Variants in PPARGC1B observed in about 807,000 individuals in gnomAD.
PPARGC1B encodes the protein PPARG coactivator 1 beta, also known as peroxisome proliferator-activated receptor gamma coactivator 1-beta.
A neutral mutation model predicts 101.6 loss-of-function variants in PPARGC1B; 34 were observed. That is an observed-to-expected ratio of 0.33 (90% CI 0.25 to 0.45). The LOEUF is 0.45. Among genes scored for constraint, PPARGC1B ranks in the 20% least tolerant of loss-of-function variants. PPARGC1B has a pLI of 1.00. For synonymous variants in PPARGC1B, 548 were observed against 539.3 expected (o/e 1.02, Z -0.22); for missense variants, 1,234 against 1,317.6 (o/e 0.94, Z 0.98).
At position 149,836,867 on chromosome 5, in the gene PPARGC1B, C is replaced by T. The variant is rs1158480787; in HGVS notation, c.2412C>T (p.Phe804=). 4 of 1,612,900 alleles carry T rather than the reference C, an allele frequency of 2.5e-6. No homozygotes were observed. Among genetic ancestry groups the T allele is most frequent in the African/African-American group, 2.7e-5 (2 of 74,926 alleles). Residue 804 remains phenylalanine (F), a synonymous_variant, in exon 8 of 12, where the codon TTC becomes TTT. Transcript: ENST00000309241. ...DSSSSSGESS[F]LPEEEEEEGE... ...GCAGCAGCAGCGGCGAGAGCAGCTT[C>T]CTCCCAGAGGAGGAAGAGGAAGAAG...
chr5:149,759,735 T>A (rs1755655167), intron 1 of PPARGC1B, among the ~76,000 whole-genome samples: 1 of 152,206 alleles, frequency 6.6e-6, no homozygotes, highest in Admixed American at 6.5e-5. Context: ...CCAGGCATGC[T>A]GCCAGCAGCA....
intron 10 of PPARGC1B, among the ~76,000 whole-genome samples, chr5:149,844,499 C>T (rs1356515389): frequency 1.3e-5 from 2 of 152,100 alleles, no homozygotes; most frequent in African/African-American, 4.8e-5. Flanking sequence ...ATTACCCGGG[C>T]GTGGTGGCAC....
intron 2 of PPARGC1B, among the ~76,000 whole-genome samples, chr5:149,824,679 G>A (rs978583596): frequency 3.9e-5 from 6 of 152,172 alleles, no homozygotes; most frequent in Non-Finnish European, 7.3e-5. Context: ...GGGCTGGACA[G>A]GGTTGGGAGT....
In PPARGC1B at chr5:149,835,300, G is replaced by C; in HGVS notation, c.1743-1G>C. The C allele has an allele frequency of 1.2e-6, 2 of 1,614,152 alleles. No individual in the cohort carries two copies. Among genetic ancestry groups the C allele is most frequent in the Non-Finnish European group, 1.7e-6 (2 of 1,180,002 alleles). ...CTTTCTGTCCTCCCTGCCTCCACCA[G>C]CGACCCAACTTTTGGCAAGAAGAGC... On this transcript the variant is annotated splice_acceptor_variant, in intron 6 of 11. Coordinates refer to ENST00000309241, the MANE Select transcript of PPARGC1B (RefSeq NM_133263.4). LOFTEE classifies it high-confidence loss of function.
chr5:149,806,501 G>T (rs565171912), intron 1 of PPARGC1B, among the ~76,000 whole-genome samples: 3 of 152,296 alleles, frequency 2.0e-5, no homozygotes, highest in South Asian at 2.1e-4. Context: ...CTGCCAGCCA[G>T]GGCAGGAGAT....
At chr5:149,811,476 G>A (rs1393654669) in intron 1 of PPARGC1B, among the ~76,000 whole-genome samples, 1 of 152,196 alleles carries the variant, frequency 6.6e-6, no homozygotes, top group Non-Finnish European at 1.5e-5. Flanking sequence ...ACCAGTTAGT[G>A]AAATTTTGTA....
intron 1 of PPARGC1B, among the ~76,000 whole-genome samples, chr5:149,777,311 A>G (rs1756401898): frequency 6.6e-6 from 1 of 152,228 alleles, no homozygotes; most frequent in South Asian, 2.1e-4. Context: ...GAAACTTTAG[A>G]GGGAAGTCCA....
At chr5:149,738,466 G>A (rs994622378) in intron 1 of PPARGC1B, among the ~76,000 whole-genome samples, 3 of 152,244 alleles carry the variant, frequency 2.0e-5, no homozygotes, top group Non-Finnish European at 4.4e-5. Context: ...CAGTCTGAGT[G>A]TTCCTGAGAA....
chr5:149,761,742 C>T (rs1399755590), intron 1 of PPARGC1B: 4 of 151,920 alleles, frequency 2.6e-5, no homozygotes, highest in Non-Finnish European at 4.4e-5. Context: ...ACAAATGCTG[C>T]GTGATGTTAC....
chr5:149,745,896 A>G (rs183692050), intron 1 of PPARGC1B, among the ~76,000 whole-genome samples: 14 of 152,230 alleles, frequency 9.2e-5, no homozygotes, highest in Non-Finnish European at 1.9e-4. Context: ...TTATGAGTGA[A>G]TGGGTTGGAA....
rs371625320 is a variant in PPARGC1B at position 149,820,410 on chromosome 5, C to G, written c.79-23C>G. Reference sequence around the variant, plus strand: ...CTAGCCAGCCTCAGCTCTGATCCACCTCTTTCCTTCCTGTCTCCTCAGGGT... The same window carrying G: ...CTAGCCAGCCTCAGCTCTGATCCACGTCTTTCCTTCCTGTCTCCTCAGGGT... On this transcript the variant is annotated intron_variant, in intron 1 of 11. Transcript: ENST00000309241. The G allele has an allele frequency of 9.9e-5, 159 of 1,609,900 alleles. 1 individual carries two copies. Among genetic ancestry groups the G allele is most frequent in the Non-Finnish European group, 1.3e-4 (149 of 1,177,486 alleles).
intron 1 of PPARGC1B, among the ~76,000 whole-genome samples, chr5:149,753,124 G>T (rs1026116683): frequency 6.6e-6 from 1 of 152,104 alleles, no homozygotes; most frequent in African/African-American, 2.4e-5. Context: ...AGATCATTTC[G>T]TATCAATATG....
Position 149,771,190 on chromosome 5 carries a change from C to T in PPARGC1B, c.78+40770C>T, listed in dbSNP as rs555731341. On this transcript the variant is annotated intron_variant, in intron 1 of 11. Transcript: ENST00000309241. ...ATGCTGCACCTGCATTTCTAAGTGC[C>T]GGCCACCATTTTCCCTGCAGGCAGC... 3.3e-5 allele frequency among the ~76,000 whole-genome samples: 5 copies of T among 152,296 alleles called. No homozygotes were observed. In the East Asian group the frequency reaches 5.8e-4, roughly 18 times the overall value.
Position 149,838,399 on chromosome 5 carries a change from C to T in PPARGC1B, c.2618+1326C>T, listed in dbSNP as rs187215374. On this transcript the variant is annotated intron_variant, in intron 8 of 11. Transcript: ENST00000309241. ...AGCTAGGATTCGTCAGTCACAGCTG[C>T]GTTCTGCCGACTTCGCTGAGCCTCT... Among the ~76,000 whole-genome samples the T allele has an allele frequency of 3.2e-3, 490 of 152,162 alleles. 2 individuals are homozygous for T. Among genetic ancestry groups the T allele is most frequent in the Non-Finnish European group, 5.7e-3 (389 of 68,018 alleles).
At chr5:149,823,273 G>T (rs924081143) in intron 2 of PPARGC1B, among the ~76,000 whole-genome samples, 1 of 152,216 alleles carries the variant, frequency 6.6e-6, no homozygotes, top group African/African-American at 2.4e-5. Context: ...AATCTGTTGA[G>T]GCCGCAGGAG....
chr5:149,781,262 C>CT (rs1214384540), intron 1 of PPARGC1B, among the ~76,000 whole-genome samples: 1 of 151,870 alleles, frequency 6.6e-6, no homozygotes, highest in Non-Finnish European at 1.5e-5. Flanking sequence ...GCTGGCCTGC[C>CT]TTGGGCAGTA....
intron 8 of PPARGC1B, among the ~76,000 whole-genome samples, chr5:149,839,166 T>C (rs1759230741): frequency 6.6e-6 from 1 of 152,212 alleles, no homozygotes; most frequent in Non-Finnish European, 1.5e-5. Context: ...GAGCAGTTCC[T>C]GGGCTAAGCA....
intron 1 of PPARGC1B, among the ~76,000 whole-genome samples, chr5:149,743,834 A>C (rs1754993905): frequency 6.6e-6 from 1 of 152,176 alleles, no homozygotes; most frequent in South Asian, 2.1e-4. Flanking sequence ...CCTCCAGTGC[A>C]CAGATCTTTG....
chr5:149,777,865 T>TC (rs1262795078), intron 1 of PPARGC1B, among the ~76,000 whole-genome samples: 2 of 8,088 alleles, frequency 2.5e-4, no homozygotes, highest in African/African-American at 9.7e-4. Context: ...AGTGCCCCCC[T>TC]CCCCCCCCAC....
Sources: allele counts gnomAD v4.1 joint callset (sites outside exome capture counted in the v4.1 genomes callset), GRCh38; gene constraint gnomAD v4.1.1; transcripts MANE v1.5; gene names NCBI Gene and HGNC (gene_info 2026-07-23, HGNC 2026-07-21).